The following LNX2 variants were observed in gnomAD, a reference collection of about 807,000 sequenced individuals.
LNX2 encodes the protein ligand of numb-protein X 2, also known as ligand of Numb protein X 2.
A neutral mutation model predicts 66.2 loss-of-function variants in LNX2; 35 were observed. That is an observed-to-expected ratio of 0.53 (90% CI 0.40 to 0.70). The LOEUF is 0.70. Among genes scored for constraint, LNX2 ranks in the 30% least tolerant of loss-of-function variants. LNX2 has a pLI of 0.00. For missense variants in LNX2, 791 were observed against 850.8 expected (o/e 0.93, Z 0.87); for synonymous variants, 337 against 315.6 (o/e 1.07, Z -0.72).
intron 1 of LNX2, among the ~76,000 whole-genome samples, chr13:27,605,194 T>C (rs1181584236): frequency 6.6e-6 from 1 of 152,174 alleles, no homozygotes; most frequent in Non-Finnish European, 1.5e-5. Context: ...AAGCAGTATA[T>C]AAAGAATGTA....
intron 2 of LNX2, among the ~76,000 whole-genome samples, chr13:27,572,852 T>C (rs1484253673): frequency 6.6e-6 from 1 of 152,182 alleles, no homozygotes; most frequent in Non-Finnish European, 1.5e-5. Flanking sequence ...ATGCCAGGTA[T>C]TTAATGACAC....
In LNX2 at chr13:27,565,965, T is replaced by C. The variant is rs149556696; in HGVS notation, c.855+1675A>G. 3.2e-3 allele frequency among the ~76,000 whole-genome samples: 484 copies of C among 152,320 alleles called. 2 individuals carry two copies. Among genetic ancestry groups the C allele is most frequent in the African/African-American group, 0.011 (460 of 41,566 alleles). ...CAAGTTTTTCTTTTAATAAAGGAGA[T>C]GGCTATTCCCAACAGCATCTTATAT... On this transcript the variant is annotated intron_variant, in intron 4 of 9. Transcript: ENST00000316334.
chr13:27,594,174 T>A (rs892145185), intron 1 of LNX2, among the ~76,000 whole-genome samples: 6 of 152,194 alleles, frequency 3.9e-5, no homozygotes, highest in Non-Finnish European at 7.4e-5. Context: ...TGAAAATATT[T>A]CATTGTTCTT....
At chr13:27,589,803 C>T (rs752768567) in intron 1 of LNX2, among the ~76,000 whole-genome samples, 3 of 152,206 alleles carry the variant, frequency 2.0e-5, no homozygotes, top group Non-Finnish European at 4.4e-5. Flanking sequence ...AAATATCATG[C>T]TAAACCTTTC....
intron 1 of LNX2, among the ~76,000 whole-genome samples, chr13:27,602,301 G>T (rs1955666282): frequency 6.6e-6 from 1 of 151,998 alleles, no homozygotes; most frequent in African/African-American, 2.4e-5. Context: ...TACAACTATG[G>T]AACGCAAATC....
intron 3 of LNX2, among the ~76,000 whole-genome samples, chr13:27,568,612 T>C (rs1004421425): frequency 6.6e-6 from 1 of 152,242 alleles, no homozygotes; most frequent in Non-Finnish European, 1.5e-5. Context: ...GTTACAAGCA[T>C]CTAAATAGCT....
In LNX2 at chr13:27,562,917, A is replaced by AT. The variant is rs1351950948; in HGVS notation, c.856-137dup. Reference sequence around the variant, plus strand: ...ATGGTGAGAATGCTATACAATCATTATTTACAAAGAAAACCACATTAAAGA... The same window carrying AT: ...ATGGTGAGAATGCTATACAATCATTATTTTACAAAGAAAACCACATTAAAGA... On this transcript the variant is annotated intron_variant, in intron 4 of 9. Transcript: ENST00000316334. 1.0e-5 allele frequency: 9 copies of AT among 868,652 alleles called. No individual in the cohort carries two copies. In the African/African-American group the frequency reaches 1.4e-4, roughly 13 times the overall value. The allele number at this position is 868,652 out of a possible 1,614,324, so 53.8% of individuals were successfully genotyped here. A position where few individuals can be genotyped will look rare whatever the true frequency, so the allele number is the denominator to read the frequency against.
At chr13:27,616,922 C>T (rs537605727) in intron 1 of LNX2, among the ~76,000 whole-genome samples, 10 of 152,172 alleles carry the variant, frequency 6.6e-5, no homozygotes, top group Admixed American at 4.6e-4. Context: ...AGCTAATTTT[C>T]GTATTTTTAG....
chr13:27,583,337 G>A (rs551408935), intron 1 of LNX2, among the ~76,000 whole-genome samples: 2 of 150,562 alleles, frequency 1.3e-5, no homozygotes, highest in African/African-American at 2.4e-5. Context: ...GGCTCACTGC[G>A]ACCTCTGCCT....
At chr13:27,583,255 T>TGCGCGCGCGCGCCCGCGCGC (rs1227667311) in intron 1 of LNX2, among the ~76,000 whole-genome samples, 1 of 58,530 alleles carries the variant, frequency 1.7e-5, no homozygotes, top group East Asian at 7.2e-4. Context: ...TGTGTGTGTG[T>TGCGCGCGCGCGCCCGCGCGC]GCGCGCGTCC....
chr13:27,562,896 T>A, intron 4 of LNX2, 115 bp from the exon 5 acceptor site: 1 of 1,014,722 alleles, frequency 9.9e-7, no homozygotes, highest in Non-Finnish European at 1.5e-6. Context: ...CTAAGTATGG[T>A]GAGAATGCTA....
intron 2 of LNX2, among the ~76,000 whole-genome samples, chr13:27,575,673 G>A (rs867963911): frequency 2.5e-4 from 38 of 152,080 alleles, no homozygotes; most frequent in African/African-American, 8.7e-4. Context: ...AGAGCAGAAC[G>A]TGTAATTTTT....
chr13:27,548,386 C>G lies in LNX2; in HGVS notation c.2022G>C (p.Gln674His), dbSNP rs1261545321. Residue 674 changes from glutamine to histidine, a missense_variant, in exon 10 of 10, where the codon CAG becomes CAC. Gln to His is a conservative substitution (Grantham distance 24). Transcript: ENST00000316334. Reference sequence around the variant, plus strand: ...TAACGGTCAGAGTGACTTTGTTCCTCTGCTCCTTCAACATGGGAACTAGTG... The same window carrying G: ...TAACGGTCAGAGTGACTTTGTTCCTGTGCTCCTTCAACATGGGAACTAGTG... ...HSALVPMLKE[Q>H]RNKVTLTVIC... is the part of the protein sequence containing the mutation. 1.2e-6 allele frequency: 2 copies of G among 1,614,170 alleles called. No homozygotes were observed. The highest frequency in any genetic ancestry group is 1.7e-6 in the Non-Finnish European group (2 of 1,180,008).
At position 27,581,198 on chromosome 13, in the gene LNX2, C is replaced by T. The variant is rs1303993368; in HGVS notation, c.407+99G>A. 3.4e-6 allele frequency: 3 copies of T among 873,156 alleles called. No individual in the cohort carries two copies. The African/African-American group carries it at 5.1e-5, about 15-fold the overall frequency. 54.1% of individuals were successfully genotyped at this position (873,156 alleles called of 1,614,324 possible). A position where few individuals can be genotyped will look rare whatever the true frequency, so the allele number is the denominator to read the frequency against. The stretch of plus-strand genomic sequence containing the variant: ...TGTACTTGATTCACCCATTTACTTA[C>T]TAGTGCTCTGGTTTGTTTTGTTTTA... On this transcript the variant is annotated intron_variant, in intron 2 of 9. Coordinates refer to ENST00000316334, the MANE Select transcript of LNX2 (RefSeq NM_153371.4).
intron 2 of LNX2, among the ~76,000 whole-genome samples, chr13:27,579,699 C>T (rs893831293): frequency 1.3e-5 from 2 of 152,174 alleles, no homozygotes; most frequent in African/African-American, 4.8e-5. Context: ...ACTGACATTT[C>T]ATTCAGTTCC....
At chr13:27,551,788 T>C (rs1476759147) in intron 8 of LNX2, among the ~76,000 whole-genome samples, 1 of 152,174 alleles carries the variant, frequency 6.6e-6, no homozygotes, top group Non-Finnish European at 1.5e-5. Flanking sequence ...GGCCTGGATT[T>C]AAAGGGACAG....
intron 1 of LNX2, among the ~76,000 whole-genome samples, chr13:27,610,448 T>A (rs889077873): frequency 6.6e-6 from 1 of 152,330 alleles, no homozygotes; most frequent in Middle Eastern, 3.4e-3. Context: ...CTCAGCAATA[T>A]GCTCAAAATA....
chr13:27,600,216 ATTC>A (rs1418663796), intron 1 of LNX2, among the ~76,000 whole-genome samples: 1 of 152,172 alleles, frequency 6.6e-6, no homozygotes, highest in Admixed American at 6.5e-5. Flanking sequence ...GAAATTTCAC[ATTC>A]TTTTGTCATA....
At chr13:27,550,263 CT>C (rs1954990853) in intron 9 of LNX2, 69 bp downstream of exon 9, 6 of 1,409,250 alleles carry the variant, frequency 4.3e-6, no homozygotes, top group African/African-American at 2.9e-5. Flanking sequence ...GTGCTGACCC[CT>C]GACCCCTGGT....
Sources: allele counts gnomAD v4.1 joint callset (sites outside exome capture counted in the v4.1 genomes callset), GRCh38; gene constraint gnomAD v4.1.1; transcripts MANE v1.5; gene names NCBI Gene and HGNC (gene_info 2026-07-23, HGNC 2026-07-21).